The following SPANXN1 variants were observed in gnomAD, a reference collection of about 807,000 sequenced individuals.
SPANXN1 encodes sperm protein associated with the nucleus on the X chromosome N1.
In SPANXN1, 1 loss-of-function variant was observed where a neutral mutation model predicts 2.0. The observed-to-expected ratio is 0.50, with a 90% CI of 0.18 to 2.36. The LOEUF is 2.36. Among genes scored for constraint, SPANXN1 ranks in the 30% most tolerant of loss-of-function variants. SPANXN1 has a pLI of 0.26. For synonymous variants in SPANXN1, 27 were observed against 21.3 expected (o/e 1.27, Z -0.74); for missense variants, 55 against 51.8 (o/e 1.06, Z -0.19).
chrX:145,254,848 T>C (rs782051066), intron 1 of SPANXN1, among the ~76,000 whole-genome samples: 2 of 111,555 alleles, frequency 1.8e-5, no homozygotes, highest in Non-Finnish European at 3.8e-5. Flanking sequence ...TTGATCAATA[T>C]CTGGAGGTTA....
In SPANXN1 at chrX:145,255,762, A is replaced by C; in HGVS notation, c.167A>C (p.Tyr56Ser). Residue 56 changes from tyrosine (Y) to serine (S), a missense_variant, in exon 2 of 2, where the codon TAC becomes TCC. By Grantham distance (144) the Tyr-to-Ser change is moderately radical. Transcript: ENST00000370493. ...TATTCAACAGTATTAGCGTTTTGCT[A>C]CAGGAAAGCTAAGAAAATACATTCA... Reference protein sequence around the residue: ...SEYSTVLAFCYRKAKKIHSNQ... With the variant: ...SEYSTVLAFCSRKAKKIHSNQ... The C allele has an allele frequency of 5.8e-6, 7 of 1,212,246 alleles. No individual in the cohort carries two copies. Among genetic ancestry groups the C allele is most frequent in the Non-Finnish European group, 7.8e-6 (7 of 895,613 alleles).
intron 1 of SPANXN1, among the ~76,000 whole-genome samples, chrX:145,251,875 G>A (rs1168409167): frequency 9.0e-6 from 1 of 110,725 alleles, no homozygotes; most frequent in African/African-American, 3.3e-5. Flanking sequence ...TCCTTTTTTT[G>A]TGTGGGGAAG....
intron 1 of SPANXN1, among the ~76,000 whole-genome samples, chrX:145,249,036 T>A (rs141086132): frequency 3.6e-5 from 4 of 110,458 alleles, no homozygotes; most frequent in African/African-American, 1.3e-4. Flanking sequence ...CTGTGTGTGA[T>A]GGTGTGGGTG....
chrX:145,248,913 T>G (rs2070773462), intron 1 of SPANXN1, among the ~76,000 whole-genome samples: 1 of 111,750 alleles, frequency 8.9e-6, no homozygotes, highest in Non-Finnish European at 1.9e-5. Flanking sequence ...TTGAGTTGGA[T>G]ACATGAAGAG....
chrX:145,247,965 T>C (rs185822408), intron 1 of SPANXN1, among the ~76,000 whole-genome samples: 34 of 112,253 alleles, frequency 3.0e-4, no homozygotes, highest in Non-Finnish European at 5.1e-4. Flanking sequence ...CAAGATACCA[T>C]AGGAAAGTTT....
At chrX:145,252,040 G>C (rs781990018) in intron 1 of SPANXN1, among the ~76,000 whole-genome samples, 2 of 111,392 alleles carry the variant, frequency 1.8e-5, no homozygotes, top group Non-Finnish European at 3.8e-5. Flanking sequence ...TGTGTTGAAT[G>C]GACAGGTTAA....
chrX:145,250,542 G>A (rs781817204), intron 1 of SPANXN1, among the ~76,000 whole-genome samples: 11 of 111,745 alleles, frequency 9.8e-5, no homozygotes, highest in East Asian at 2.8e-4. Context: ...GGCAGTAACC[G>A]GCATGGAAAT....
intron 1 of SPANXN1, among the ~76,000 whole-genome samples, chrX:145,251,364 A>G: frequency 8.9e-6 from 1 of 112,131 alleles, no homozygotes; most frequent in Non-Finnish European, 1.9e-5. Context: ...GAGGCATAGA[A>G]GAAATTGATG....
At chrX:145,248,444 G>C (rs1171889618) in intron 1 of SPANXN1, among the ~76,000 whole-genome samples, 2 of 111,919 alleles carry the variant, frequency 1.8e-5, no homozygotes, top group Admixed American at 1.9e-4. Context: ...CCAGTGCTGA[G>C]TGCATCAGAG....
chrX:145,253,681 T>G (rs1302262985), intron 1 of SPANXN1, among the ~76,000 whole-genome samples: 2 of 111,158 alleles, frequency 1.8e-5, no homozygotes, highest in African/African-American at 6.6e-5. Flanking sequence ...TGGGGACAGC[T>G]AGGGTCCCTA....
chrX:145,251,874 T>G (rs2070787249), intron 1 of SPANXN1, among the ~76,000 whole-genome samples: 1 of 110,830 alleles, frequency 9.0e-6, no homozygotes, highest in Non-Finnish European at 1.9e-5. Flanking sequence ...GTCCTTTTTT[T>G]GTGTGGGGAA....
intron 1 of SPANXN1, among the ~76,000 whole-genome samples, chrX:145,254,985 TA>T (rs2070802393): frequency 9.3e-6 from 1 of 108,024 alleles, no homozygotes. Context: ...GCAGAAAACT[TA>T]CCCATTAGAA....
intron 1 of SPANXN1, among the ~76,000 whole-genome samples, chrX:145,251,727 T>A (rs2070786588): frequency 9.0e-6 from 1 of 111,357 alleles, no homozygotes; most frequent in Admixed American, 9.6e-5. Context: ...TTTGTTTTAG[T>A]GGGAATTGAT....
Position 145,255,816 on chromosome X carries a change from A to G in SPANXN1, c.*2A>G, listed in dbSNP as rs782133786. The G allele has an allele frequency of 8.2e-7, 1 of 1,212,446 alleles. No individual in the cohort carries two copies. Among genetic ancestry groups the G allele is most frequent in the Non-Finnish European group, 1.1e-6 (1 of 895,639 alleles). ...CAACTGGAGAATGACCAGTCCTGAG[A>G]GAACTCCATCAATCCAGTCCAAGAG... On this transcript the variant is annotated 3_prime_UTR_variant, in exon 2 of 2. Transcript: ENST00000370493.
chrX:145,253,644 C>G (rs1287105633), intron 1 of SPANXN1, among the ~76,000 whole-genome samples: 1 of 110,896 alleles, frequency 9.0e-6, no homozygotes, highest in Non-Finnish European at 1.9e-5. Context: ...ACAGAAGTTG[C>G]CTGACAATTC....
At chrX:145,249,914 A>G (rs781908639) in intron 1 of SPANXN1, among the ~76,000 whole-genome samples, 1 of 111,289 alleles carries the variant, frequency 9.0e-6, no homozygotes, top group African/African-American at 3.3e-5. Context: ...GGGGGAGAAA[A>G]TACGGGGATA....
intron 1 of SPANXN1, among the ~76,000 whole-genome samples, chrX:145,254,783 C>A (rs2070801335): frequency 9.0e-6 from 1 of 111,428 alleles, no homozygotes; most frequent in Non-Finnish European, 1.9e-5. Context: ...TGGGGGTGAT[C>A]CTTGTTGCAG....
rs1569479594 is a variant in SPANXN1 at position 145,247,667 on chromosome X, A to G, written c.75+6A>G. On this transcript the variant is annotated splice_donor_region_variant and intron_variant, in intron 1 of 1. Coordinates refer to ENST00000370493, the MANE Select transcript of SPANXN1 (RefSeq NM_001009614.3). ...CCAACAATGAAAATGATGAGGTAAG[A>G]TTGTTAGGTTTTGAAGGGAAGGTGA... 8.3e-7 allele frequency: 1 copy of G among 1,204,449 alleles called. No homozygotes were observed.
chrX:145,249,311 TA>T (rs782187301), intron 1 of SPANXN1, among the ~76,000 whole-genome samples: 3 of 109,854 alleles, frequency 2.7e-5, no homozygotes, highest in Non-Finnish European at 5.7e-5. Context: ...GGTGGGGACT[TA>T]AGAGTATCCC....
Sources: allele counts gnomAD v4.1 joint callset (sites outside exome capture counted in the v4.1 genomes callset), GRCh38; gene constraint gnomAD v4.1.1; transcripts MANE v1.5; gene names NCBI Gene and HGNC (gene_info 2026-07-23, HGNC 2026-07-21).